The following LURAP1 variants were observed in gnomAD, a reference collection of about 807,000 sequenced individuals.
The protein encoded by LURAP1 is NF-kappa-B activator C1orf190.
A neutral mutation model predicts 19.0 loss-of-function variants in LURAP1; 14 were observed. The ratio of observed to expected loss-of-function variants is 0.74; its 90% CI spans 0.49 to 1.15. The LOEUF (loss-of-function observed/expected upper bound fraction) is 1.15, where lower values mean the gene tolerates loss of function less well. Among genes scored for constraint, LURAP1 ranks in the 50% most tolerant of loss-of-function variants. The pLI, the probability that LURAP1 is intolerant of heterozygous loss-of-function variation, is 0.00. For synonymous variants in LURAP1, 129 were observed against 131.8 expected, an observed-to-expected ratio of 0.98 and a Z score of 0.14; for missense variants, 273 against 309.1, an observed-to-expected ratio of 0.88 and a Z score of 0.87.
At chr1:46,206,842 G>A (rs187205068) in intron 1 of LURAP1, among the ~76,000 whole-genome samples, 1 of 152,274 alleles carries the variant, frequency 6.6e-6, no homozygotes, top group Non-Finnish European at 1.5e-5. Flanking sequence ...AATGGATTGG[G>A]CAGGATCTGC....
At chr1:46,206,184 C>A (rs1658708862) in intron 1 of LURAP1, among the ~76,000 whole-genome samples, 1 of 152,218 alleles carries the variant, frequency 6.6e-6, no homozygotes, top group Admixed American at 6.6e-5. Flanking sequence ...TGCACGGGTT[C>A]AAGTCTTGGC....
chr1:46,203,603 C>A lies in LURAP1; in HGVS notation c.177C>A (p.Ile59=). 1 of 1,598,346 alleles carries A rather than the reference C, an allele frequency of 6.3e-7. No homozygotes were observed. The highest frequency in any genetic ancestry group is 1.1e-5 in the South Asian group (1 of 89,678). Residue 59 remains isoleucine (I), a synonymous_variant, in exon 1 of 2, where the codon ATC becomes ATA. Coordinates refer to ENST00000371980, the MANE Select transcript of LURAP1 (RefSeq NM_001013615.3). ...SSTGHDLGDK[I]MALKMELAYL... ...CCGGCCACGACTTGGGGGACAAGAT[C>A]ATGGCGCTGAAGATGGAGCTGGTGA...
At position 46,203,356 on chromosome 1, in the gene LURAP1, G is replaced by T; in HGVS notation, c.-71G>T. 11 of 1,380,076 alleles carry T rather than the reference G, an allele frequency of 8.0e-6. No homozygotes were observed. The highest frequency in any genetic ancestry group is 9.6e-6 in the Non-Finnish European group (10 of 1,045,152). The allele number at this position is 1,380,076 out of a possible 1,614,324, so 85.5% of individuals were successfully genotyped here. ...ACCGGTTTTGCTCCGCTTTAGCAGC[G>T]GCGAAGGGAGGACCCCCGGGAGCCG... is the stretch of plus-strand genomic sequence containing the variant. On this transcript the variant is annotated 5_prime_UTR_variant, in exon 1 of 2. Transcript: ENST00000371980.
chr1:46,219,784 A>T lies in LURAP1; in HGVS notation c.284A>T (p.Glu95Val). The T allele has an allele frequency of 3.7e-6, 6 of 1,614,158 alleles. No individual in the cohort carries two copies. The highest frequency in any genetic ancestry group is 5.1e-6 in the Non-Finnish European group (6 of 1,180,016). The change falls in exon 2 of 2, where the codon GAG becomes GTG. Residue 95 changes from glutamate (E) to valine (V), a missense_variant. By Grantham distance (121) the Glu-to-Val change is moderately radical. Transcript: ENST00000371980. ...EGIEAVRWLL[E>V]ERGTLTSHCS... Reference sequence around the variant, plus strand: ...ATCGAGGCAGTGCGCTGGCTGTTGGAGGAGCGGGGGACGTTGACCAGTCAT... The same window carrying T: ...ATCGAGGCAGTGCGCTGGCTGTTGGTGGAGCGGGGGACGTTGACCAGTCAT...
intron 1 of LURAP1, among the ~76,000 whole-genome samples, chr1:46,214,867 C>CAAAAA (rs5773905): frequency 4.5e-5 from 4 of 89,516 alleles, no homozygotes; most frequent in Non-Finnish European, 7.9e-5. Context: ...GACTCCATCT[C>CAAAAA]AAAAAAAAAA....
At chr1:46,206,565 T>C (rs1357072363) in intron 1 of LURAP1, among the ~76,000 whole-genome samples, 1 of 152,192 alleles carries the variant, frequency 6.6e-6, no homozygotes, top group Non-Finnish European at 1.5e-5. Flanking sequence ...TATCCTATAC[T>C]CTATTTTCTT....
chr1:46,211,934 G>A (rs1370196129), intron 1 of LURAP1, among the ~76,000 whole-genome samples: 1 of 151,896 alleles, frequency 6.6e-6, no homozygotes, highest in Non-Finnish European at 1.5e-5. Context: ...GCCAATTTTT[G>A]TATTTTTATT....
At chr1:46,209,807 G>A (rs1284358675) in intron 1 of LURAP1, among the ~76,000 whole-genome samples, 2 of 152,028 alleles carry the variant, frequency 1.3e-5, no homozygotes, top group Non-Finnish European at 2.9e-5. Context: ...CACCATGCAC[G>A]GCTGTAGATG....
rs536236157 is a variant in LURAP1, at chr1:46,217,935, C to A, written c.199-1764C>A. Among the ~76,000 whole-genome samples the A allele has an allele frequency of 4.6e-5, 7 of 152,080 alleles. No individual in the cohort carries two copies. In the East Asian group the frequency reaches 1.4e-3, roughly 29 times the overall value. ...ATAGAAAATGCCTGAAATTTAAATA[C>A]CAAGAAATAGCAATATAAATATGGA... On this transcript the variant is annotated intron_variant, in intron 1 of 1. Transcript: ENST00000371980.
chr1:46,214,932 T>G (rs1431477154), intron 1 of LURAP1, among the ~76,000 whole-genome samples: 1 of 140,028 alleles, frequency 7.1e-6, no homozygotes, highest in Admixed American at 7.3e-5. Flanking sequence ...AGAGCAAGTA[T>G]AGAAATAGAT....
intron 1 of LURAP1, among the ~76,000 whole-genome samples, chr1:46,214,345 CAAAAA>C (rs1027045003): frequency 9.2e-6 from 1 of 108,458 alleles, no homozygotes; most frequent in Non-Finnish European, 1.9e-5. Context: ...CATTCTGTCT[CAAAAA>C]GAAAAAAAAA....
chr1:46,213,144 T>C (rs1658955966), intron 1 of LURAP1, among the ~76,000 whole-genome samples: 1 of 151,946 alleles, frequency 6.6e-6, no homozygotes, highest in African/African-American at 2.4e-5. Flanking sequence ...TATATAAGTG[T>C]GTACACATAC....
chr1:46,218,930 CT>C, intron 1 of LURAP1, among the ~76,000 whole-genome samples: 1 of 152,146 alleles, frequency 6.6e-6, no homozygotes. Context: ...GCCCAATCTA[CT>C]TCCTGATTAA....
chr1:46,209,456 C>A (rs1239166511), intron 1 of LURAP1, among the ~76,000 whole-genome samples: 1 of 152,020 alleles, frequency 6.6e-6, no homozygotes, highest in East Asian at 1.9e-4. Context: ...ATTCTAAGAT[C>A]CCCTCCCTAA....
In LURAP1 at chr1:46,204,001, G is replaced by C. The variant is rs145374065; in HGVS notation, c.198+377G>C. Among the ~76,000 whole-genome samples, 1,053 of 152,240 alleles carry C rather than the reference G, an allele frequency of 6.9e-3. 14 individuals are homozygous for C. The highest frequency in any genetic ancestry group is 0.023 in the African/African-American group (972 of 41,530). On this transcript the variant is annotated intron_variant, in intron 1 of 1. Coordinates refer to ENST00000371980, the MANE Select transcript of LURAP1 (RefSeq NM_001013615.3). ...CGCCAGTCCCCGTTGTAAGGCAACC[G>C]GTTTTTTCTCCTTCTGCTAACCGGG...
chr1:46,216,909 C>A (rs1659088343), intron 1 of LURAP1, among the ~76,000 whole-genome samples: 1 of 152,196 alleles, frequency 6.6e-6, no homozygotes, highest in Non-Finnish European at 1.5e-5. Context: ...TCTGCTCTTG[C>A]ATTAATTCAC....
In LURAP1 at chr1:46,209,766, C is replaced by G. The variant is rs191902911; in HGVS notation, c.198+6142C>G. ...CCTCGGGTAATCCACTTGCCTCAGCCTCCCAAAGTGCTGGGATTACAAGCA... is the reference window on the plus strand; with the variant it reads ...CCTCGGGTAATCCACTTGCCTCAGCGTCCCAAAGTGCTGGGATTACAAGCA... On this transcript the variant is annotated intron_variant, in intron 1 of 1. Transcript: ENST00000371980. Among the ~76,000 whole-genome samples the G allele has an allele frequency of 3.9e-5, 6 of 152,162 alleles. No individual in the cohort carries two copies. The East Asian group carries it at 1.2e-3, about 29-fold the overall frequency.
At chr1:46,211,439 GCA>G (rs57919535) in intron 1 of LURAP1, among the ~76,000 whole-genome samples, 2,118 of 78,804 alleles carry the variant, frequency 0.027, 36 homozygotes, top group African/African-American at 0.055. Context: ...ATGAAAACCT[GCA>G]CACACACACA....
chr1:46,215,718 G>GT (rs1198015910), intron 1 of LURAP1, among the ~76,000 whole-genome samples: 1 of 152,160 alleles, frequency 6.6e-6, no homozygotes, highest in Non-Finnish European at 1.5e-5. Flanking sequence ...GGGCAACATA[G>GT]TGAGACCCCA....
Sources: allele counts gnomAD v4.1 joint callset (sites outside exome capture counted in the v4.1 genomes callset), GRCh38; gene constraint gnomAD v4.1.1; transcripts MANE v1.5; gene names NCBI Gene and HGNC (gene_info 2026-07-23, HGNC 2026-07-21).